The following CLTCL1 variants were observed in gnomAD, a reference collection of about 807,000 sequenced individuals.
The protein encoded by CLTCL1 is clathrin heavy chain like 1.
In CLTCL1, 159 loss-of-function variants were observed where a neutral mutation model predicts 190.0. The observed-to-expected ratio is 0.84, with a 90% CI of 0.74 to 0.95. CLTCL1 has a LOEUF of 0.95. CLTCL1 is among the 40% of genes least tolerant of loss of function. The probability of loss-of-function intolerance (pLI) is 0.00; values close to 1 mark genes in which losing one functional copy is unlikely to be tolerated. For synonymous variants in CLTCL1, 752 were observed against 769.6 expected (o/e 0.98, Z 0.38); for missense variants, 1,878 against 2,033.4 (o/e 0.92, Z 1.47).
chr22:19,209,170 C>T (rs712955), intron 20 of CLTCL1, 56 bp from the exon 21 acceptor site: 1 of 1,467,152 alleles, frequency 6.8e-7, no homozygotes, highest in Non-Finnish European at 9.1e-7. Flanking sequence ...CTCCAAAAAA[C>T]AGACACATTT....
intron 29 of CLTCL1, among the ~76,000 whole-genome samples, chr22:19,186,761 C>T (rs1482799063): frequency 7.2e-5 from 11 of 151,948 alleles, no homozygotes; most frequent in East Asian, 1.9e-4. Context: ...CCACTACACC[C>T]GGCTAACTTT....
chr22:19,227,889 C>T (rs1555956969), intron 11 of CLTCL1, among the ~76,000 whole-genome samples: 1 of 152,218 alleles, frequency 6.6e-6, no homozygotes, highest in Non-Finnish European at 1.5e-5. Context: ...TGCACCCAGC[C>T]ACTAAATATT....
chr22:19,240,105 GC>G, intron 4 of CLTCL1, among the ~76,000 whole-genome samples: 1 of 151,834 alleles, frequency 6.6e-6, no homozygotes, highest in African/African-American at 2.4e-5. Flanking sequence ...ACAGATGCAT[GC>G]CACCACACCC....
At chr22:19,273,863 A>T (rs2087406351) in intron 2 of CLTCL1, among the ~76,000 whole-genome samples, 5 of 152,080 alleles carry the variant, frequency 3.3e-5, no homozygotes, top group Admixed American at 2.0e-4. Flanking sequence ...GACACTCCCC[A>T]GTTCCCCATG....
intron 23 of CLTCL1, 141 bp downstream of exon 23, chr22:19,201,188 A>C: frequency 9.9e-7 from 1 of 1,008,514 alleles, no homozygotes; most frequent in Non-Finnish European, 1.4e-6. Flanking sequence ...ACACTAGCCT[A>C]GAGACTCTAA....
chr22:19,181,010 G>C (rs1555925616), intron 30 of CLTCL1: 2 of 578,552 alleles, frequency 3.5e-6, no homozygotes, highest in East Asian at 2.8e-5. Flanking sequence ...AGCCTCGGTA[G>C]CTGGGCTGAG....
Position 19,224,821 on chromosome 22 carries a change from G to A in CLTCL1, c.2128+632C>T, listed in dbSNP as rs73377850. On this transcript the variant is annotated intron_variant, in intron 13 of 32. Transcript: ENST00000427926. ...ACAGGGTCATGTCCCACCCTCCACC[G>A]ATGCCCCAACCTCACTGGACACATG... Among the ~76,000 whole-genome samples, 1,344 of 152,266 alleles carry A rather than the reference G, an allele frequency of 8.8e-3. 14 individuals carry two copies. The highest frequency in any genetic ancestry group is 0.031 in the African/African-American group (1,291 of 41,546).
intron 2 of CLTCL1, among the ~76,000 whole-genome samples, chr22:19,265,809 A>G (rs1340958): frequency 0.61 from 93,476 of 152,080 alleles, 29,607 homozygotes; most frequent in African/African-American, 0.76. Context: ...CATGTTCCTG[A>G]AGCAGCCTAT....
At chr22:19,205,893 A>C (rs1400509378) in intron 22 of CLTCL1, among the ~76,000 whole-genome samples, 1 of 151,306 alleles carries the variant, frequency 6.6e-6, no homozygotes, top group Non-Finnish European at 1.5e-5. Context: ...TGAACTTTTA[A>C]CACCTTTCAA....
chr22:19,278,903 A>G (rs1229271232), intron 1 of CLTCL1, among the ~76,000 whole-genome samples: 1 of 151,772 alleles, frequency 6.6e-6, no homozygotes, highest in Non-Finnish European at 1.5e-5. Flanking sequence ...CACCACGCCC[A>G]GCTATTTTTT....
rs782209981 is a variant in CLTCL1, at chr22:19,233,310, G to A, written c.1377C>T (p.Cys459=). The A allele has an allele frequency of 6.2e-6, 10 of 1,613,046 alleles. No individual in the cohort carries two copies. Among genetic ancestry groups the A allele is most frequent in the Non-Finnish European group, 8.5e-6 (10 of 1,179,144 alleles). Residue 459 remains cysteine, a synonymous_variant, in exon 9 of 33, where the codon TGC becomes TGT. Coordinates refer to ENST00000427926, the MANE Select transcript of CLTCL1 (RefSeq NM_007098.4). ...TGACCAAGTCTCCGAGCTCCTCTGA[G>A]CACTCCAGCTGTGGTATGCCAAGGG... The part of the protein sequence containing the change: ...EKWLKEDKLE[C]SEELGDLVKT...
intron 2 of CLTCL1, among the ~76,000 whole-genome samples, chr22:19,256,337 TTTTC>T (rs1555972437): frequency 6.9e-6 from 1 of 145,982 alleles, no homozygotes; most frequent in Non-Finnish European, 1.5e-5. Context: ...TTTCTTTTTT[TTTTC>T]TTTTTCTTTT....
At chr22:19,202,209 G>C (rs1369619655) in intron 22 of CLTCL1, among the ~76,000 whole-genome samples, 1 of 152,000 alleles carries the variant, frequency 6.6e-6, no homozygotes, top group Non-Finnish European at 1.5e-5. Context: ...TGACTCTCCT[G>C]ATTGTTCTCA....
intron 2 of CLTCL1, among the ~76,000 whole-genome samples, chr22:19,261,303 G>C (rs771497892): frequency 6.6e-6 from 1 of 152,016 alleles, no homozygotes; most frequent in Non-Finnish European, 1.5e-5. Context: ...ATAGAGAAGG[G>C]GTTTCACCGT....
At chr22:19,212,655 G>A (rs2085271252) in intron 19 of CLTCL1, among the ~76,000 whole-genome samples, 2 of 148,530 alleles carry the variant, frequency 1.3e-5, no homozygotes, top group African/African-American at 4.9e-5. Flanking sequence ...AAAAAAGAAA[G>A]AAAGAAAGAA....
intron 2 of CLTCL1, chr22:19,258,869 A>G: frequency 2.0e-6 from 1 of 501,894 alleles, no homozygotes; most frequent in Non-Finnish European, 3.6e-6. Flanking sequence ...CAGGTTAAAA[A>G]AAACCCCAAC....
chr22:19,241,741 G>T (rs2086259836), intron 4 of CLTCL1, among the ~76,000 whole-genome samples: 1 of 152,118 alleles, frequency 6.6e-6, no homozygotes, highest in African/African-American at 2.4e-5. Flanking sequence ...CTCTGCCCAT[G>T]GCAGCCCTGC....
Position 19,233,148 on chromosome 22 carries a change from T to C in CLTCL1, c.1521+18A>G, listed in dbSNP as rs1555959892. ...ACGTGAGTAATCTGTGAGATGCCAGTGGTTCAACACACGTTACCTTTTTGG... is the reference window on the plus strand; with the variant it reads ...ACGTGAGTAATCTGTGAGATGCCAGCGGTTCAACACACGTTACCTTTTTGG... On this transcript the variant is annotated intron_variant, in intron 9 of 32. Transcript: ENST00000427926. 3 of 1,599,554 alleles carry C rather than the reference T, an allele frequency of 1.9e-6. No individual in the cohort carries two copies. The South Asian group carries it at 3.3e-5, about 18-fold the overall frequency.
rs560216120 is a variant in CLTCL1 at position 19,278,485 on chromosome 22, C to A, written c.43-2655G>T. On this transcript the variant is annotated intron_variant, in intron 1 of 32. Transcript: ENST00000427926. ...AGCCCATGAAGATGGACATAATTTA[C>A]TTAAGTAAAGTTAACATATTTAAGT... is the stretch of plus-strand genomic sequence containing the variant. 7.9e-5 allele frequency among the ~76,000 whole-genome samples: 12 copies of A among 152,206 alleles called. No individual in the cohort carries two copies. In the East Asian group the frequency reaches 2.1e-3, roughly 27 times the overall value.
Sources: allele counts gnomAD v4.1 joint callset (sites outside exome capture counted in the v4.1 genomes callset), GRCh38; gene constraint gnomAD v4.1.1; transcripts MANE v1.5; gene names NCBI Gene and HGNC (gene_info 2026-07-23, HGNC 2026-07-21).